MINPP1: variants seen among roughly 807,000 people sequenced by gnomAD.
MINPP1 encodes the protein multiple inositol polyphosphate phosphatase 1.
Under a neutral mutation model 46.1 loss-of-function variants are expected in MINPP1, and 28 were observed. The observed-to-expected ratio is 0.61, with a 90% CI of 0.45 to 0.83. The LOEUF (loss-of-function observed/expected upper bound fraction) is 0.83. MINPP1 is among the 40% of genes least tolerant of loss of function. The probability of loss-of-function intolerance (pLI) is 0.00; values close to 1 mark genes in which losing one functional copy is unlikely to be tolerated. For missense variants in MINPP1, 603 were observed against 610.0 expected (o/e 0.99, Z 0.12); for synonymous variants, 268 against 249.1 (o/e 1.08, Z -0.72).
Position 87,528,242 on chromosome 10 carries a change from T to C in MINPP1, c.1067+7073T>C, listed in dbSNP as rs184482593. On this transcript the variant is annotated intron_variant, in intron 4 of 4. Transcript: ENST00000371996. ...GCTCTGATCTTAGCTATATCTTGCC[T>C]TCTGCTAGCTTTTGAATGTGTTTGC... Among the ~76,000 whole-genome samples the C allele has an allele frequency of 5.2e-3, 792 of 152,338 alleles. 4 individuals are homozygous for C. Among genetic ancestry groups the C allele is most frequent in the Admixed American group, 0.012 (191 of 15,308 alleles).
At chr10:87,510,841 T>G (rs967534006) in intron 2 of MINPP1, among the ~76,000 whole-genome samples, 1 of 152,232 alleles carries the variant, frequency 6.6e-6, no homozygotes, top group African/African-American at 2.4e-5. Context: ...TTAACACACA[T>G]GAATATTTTA....
At chr10:87,506,229 A>G (rs1851247956) in intron 1 of MINPP1, among the ~76,000 whole-genome samples, 1 of 151,712 alleles carries the variant, frequency 6.6e-6, no homozygotes, top group Non-Finnish European at 1.5e-5. Context: ...CTTTTTCGAA[A>G]TTTGAGAAAT....
chr10:87,535,861 C>T (rs932111409), intron 4 of MINPP1, among the ~76,000 whole-genome samples: 3 of 152,134 alleles, frequency 2.0e-5, no homozygotes, highest in East Asian at 1.9e-4. Flanking sequence ...CCAGGGAGCT[C>T]GAGTCTAGGG....
At chr10:87,513,970 AC>A (rs760343116) in intron 3 of MINPP1, among the ~76,000 whole-genome samples, 14 of 151,714 alleles carry the variant, frequency 9.2e-5, no homozygotes, top group Non-Finnish European at 1.6e-4. Context: ...ATTTCCTATC[AC>A]TCAGACTTCT....
intron 4 of MINPP1, among the ~76,000 whole-genome samples, chr10:87,537,983 T>A (rs968573555): frequency 6.6e-6 from 1 of 151,902 alleles, no homozygotes; most frequent in Non-Finnish European, 1.5e-5. Flanking sequence ...ATTTATTTAT[T>A]TATTTTTATT....
At chr10:87,525,721 C>T (rs546354449) in intron 4 of MINPP1, among the ~76,000 whole-genome samples, 16 of 152,220 alleles carry the variant, frequency 1.1e-4, no homozygotes, top group Non-Finnish European at 1.5e-4. Flanking sequence ...GACAGGCCCA[C>T]GCCATGACAG....
intron 1 of MINPP1, among the ~76,000 whole-genome samples, chr10:87,506,344 C>T (rs1564670122): frequency 6.6e-6 from 1 of 152,030 alleles, no homozygotes; most frequent in African/African-American, 2.4e-5. Flanking sequence ...TTCTGTTTTC[C>T]TAGAATGGTT....
At chr10:87,508,155 C>T (rs1347598419) in intron 1 of MINPP1, 181 bp from the exon 2 acceptor site, 1 of 1,539,806 alleles carries the variant, frequency 6.5e-7, no homozygotes, top group South Asian at 1.2e-5. Flanking sequence ...TCATGCGTTA[C>T]AGCCATTATA....
intron 4 of MINPP1, among the ~76,000 whole-genome samples, chr10:87,543,883 T>C (rs144212425): frequency 4.8e-4 from 73 of 152,298 alleles, no homozygotes; most frequent in Non-Finnish European, 8.8e-4. Context: ...AGGTCCCGCC[T>C]TCAACATTGG....
At chr10:87,515,732 T>C (rs1210305232) in intron 3 of MINPP1, among the ~76,000 whole-genome samples, 3 of 152,120 alleles carry the variant, frequency 2.0e-5, no homozygotes, top group Non-Finnish European at 2.9e-5. Flanking sequence ...ATTGGTTGAA[T>C]GTTGATTATT....
intron 4 of MINPP1, among the ~76,000 whole-genome samples, chr10:87,540,874 A>G (rs1164308992): frequency 2.0e-5 from 3 of 152,220 alleles, no homozygotes; most frequent in Non-Finnish European, 4.4e-5. Flanking sequence ...GATTTACTTT[A>G]TACAGTCCTG....
chr10:87,525,627 A>G (rs957011811), intron 4 of MINPP1, among the ~76,000 whole-genome samples: 1 of 152,138 alleles, frequency 6.6e-6, no homozygotes, highest in Non-Finnish European at 1.5e-5. Context: ...TACATGTGCC[A>G]TGCTGGTGTG....
intron 4 of MINPP1, among the ~76,000 whole-genome samples, chr10:87,522,403 T>C (rs1851514984): frequency 6.6e-6 from 1 of 152,178 alleles, no homozygotes; most frequent in Admixed American, 6.5e-5. Flanking sequence ...TTAAAACAGT[T>C]TGAGAAATAA....
intron 4 of MINPP1, among the ~76,000 whole-genome samples, chr10:87,537,385 T>G (rs1381530854): frequency 6.6e-6 from 1 of 152,188 alleles, no homozygotes; most frequent in East Asian, 1.9e-4. Context: ...GTTGTGGTTT[T>G]AGTTTGCATT....
In MINPP1 at chr10:87,505,311, C is replaced by T; in HGVS notation, c.396C>T (p.Ala132=). ...TGSRDLGAAL[A]DWPLWYADWM... is the part of the protein sequence containing the mutation. ...GCCGCGACCTGGGTGCAGCGCTGGC[C>T]GACTGGCCTTTGTGGTACGCGGACT... Residue 132 remains alanine (A), a synonymous_variant, in exon 1 of 5, where the codon GCC becomes GCT. Coordinates refer to ENST00000371996, the MANE Select transcript of MINPP1 (RefSeq NM_004897.5). This position sits in a 1 kb window ranked among gnomAD's most constrained non-coding sequence, Gnocchi z 4.4. 1 of 1,612,192 alleles carries T rather than the reference C, an allele frequency of 6.2e-7. No homozygotes were observed. The highest frequency in any genetic ancestry group is 8.5e-7 in the Non-Finnish European group (1 of 1,178,600).
At position 87,521,094 on chromosome 10, in the gene MINPP1, T is replaced by G. The variant is rs749643952; in HGVS notation, c.992T>G (p.Ile331Ser). ...QYWKRGYGYTINSRSSCTLFQ... is the reference protein window; with the variant it reads ...QYWKRGYGYTSNSRSSCTLFQ... ...TGGAAAAGAGGATATGGGTATACTA[T>G]TAACAGTCGATCCAGCTGCACCTTG... The change falls in exon 4 of 5, where the codon ATT becomes AGT. Residue 331 changes from isoleucine (I) to serine (S), a missense_variant. Ile to Ser is a moderately radical substitution (Grantham distance 142). Around this residue, in one of 3 missense-constraint regions of MINPP1, gnomAD observed 344 missense variants for 381.1 expected, o/e 0.90. Coordinates refer to ENST00000371996, the MANE Select transcript of MINPP1 (RefSeq NM_004897.5). The G allele has an allele frequency of 1.3e-6, 2 of 1,546,186 alleles. No individual in the cohort carries two copies. Among genetic ancestry groups the G allele is most frequent in the South Asian group, 2.2e-5 (2 of 89,258 alleles).
intron 4 of MINPP1, among the ~76,000 whole-genome samples, chr10:87,533,603 A>G (rs1851690198): frequency 6.6e-6 from 1 of 152,126 alleles, no homozygotes; most frequent in Non-Finnish European, 1.5e-5. Flanking sequence ...TCAAAGATTT[A>G]TTTTGGGTCT....
chr10:87,505,246 G>T lies in MINPP1; in HGVS notation c.331G>T (p.Ala111Ser). The change falls in exon 1 of 5, where the codon GCC (alanine) becomes TCC (serine). Residue 111 changes from alanine to serine, a missense_variant. Coordinates refer to ENST00000371996, the MANE Select transcript of MINPP1 (RefSeq NM_004897.5). The surrounding 1 kb of genome is among the most constrained non-coding windows in gnomAD (Gnocchi z 4.4). ...GAGGCAGCTGCACGGGTTGCTGCAG[G>T]CCCGCGGGTCCAGGGATGGCGGGGC... ...KLRQLHGLLQ[A>S]RGSRDGGASS... is the part of the protein sequence containing the mutation. 1 of 1,612,576 alleles carries T rather than the reference G, an allele frequency of 6.2e-7. No individual in the cohort carries two copies. The highest frequency in any genetic ancestry group is 8.5e-7 in the Non-Finnish European group (1 of 1,179,164).
At position 87,509,425 on chromosome 10, in the gene MINPP1, C is replaced by G. The variant is rs77466409; in HGVS notation, c.835+892C>G. 7.1e-4 allele frequency among the ~76,000 whole-genome samples: 108 copies of G among 152,306 alleles called. No individual in the cohort carries two copies. The East Asian group carries it at 0.02, about 28-fold the overall frequency. ...TTTCTCTCTCTCCAAACTGGCAGTA[C>G]ATTGGCATCGCCTGTGGAGCTTTAA... is the stretch of plus-strand genomic sequence containing the variant. On this transcript the variant is annotated intron_variant, in intron 2 of 4. Coordinates refer to ENST00000371996, the MANE Select transcript of MINPP1 (RefSeq NM_004897.5).
Sources: allele counts gnomAD v4.1 joint callset (sites outside exome capture counted in the v4.1 genomes callset), GRCh38; gene constraint gnomAD v4.1.1; regional missense constraint gnomAD v4.1.1; non-coding constraint Gnocchi (gnomAD v3.1); transcripts MANE v1.5; gene names NCBI Gene and HGNC (gene_info 2026-07-23, HGNC 2026-07-21).